PACRG: variants seen among roughly 807,000 people sequenced by gnomAD.
PACRG encodes parkin coregulated gene protein.
PACRG carries 29 observed loss-of-function variants against 29.7 expected under a neutral mutation model. The observed-to-expected ratio is 0.98, with a 90% CI of 0.73 to 1.33. The LOEUF is 1.33. Among genes scored for constraint, PACRG ranks in the 40% most tolerant of loss-of-function variants. The pLI, the probability that PACRG is intolerant of heterozygous loss-of-function variation, is 0.00. For missense variants in PACRG, 279 were observed against 316.2 expected (o/e 0.88, Z 0.89); for synonymous variants, 116 against 118.7 (o/e 0.98, Z 0.15).
chr6:163,047,861 G>A (rs376438739), intron 2 of PACRG, among the ~76,000 whole-genome samples: 96 of 152,162 alleles, frequency 6.3e-4, no homozygotes, highest in African/African-American at 2.1e-3. Flanking sequence ...TCTGTCTTCC[G>A]TTTATATTTG....
At chr6:163,031,544 G>C (rs1807663657) in intron 2 of PACRG, among the ~76,000 whole-genome samples, 1 of 152,144 alleles carries the variant, frequency 6.6e-6, no homozygotes, top group Non-Finnish European at 1.5e-5. Context: ...TTTTTTGTTT[G>C]CAGTTTCCCA....
At chr6:162,741,666 G>T (rs984030262) in intron 1 of PACRG, among the ~76,000 whole-genome samples, 4 of 152,104 alleles carry the variant, frequency 2.6e-5, no homozygotes, top group African/African-American at 9.7e-5. Flanking sequence ...TAATTTTGGG[G>T]AACACAAACA....
intron 2 of PACRG, among the ~76,000 whole-genome samples, chr6:162,950,846 T>C (rs1799593825): frequency 6.6e-6 from 1 of 152,164 alleles, no homozygotes; most frequent in African/African-American, 2.4e-5. Flanking sequence ...AAGAAAAGCC[T>C]AGACAGAGTG....
intron 2 of PACRG, among the ~76,000 whole-genome samples, chr6:163,026,771 C>T (rs984649931): frequency 1.2e-4 from 18 of 152,156 alleles, no homozygotes; most frequent in African/African-American, 4.3e-4. Context: ...TGTTGAATGA[C>T]TAAATAAGGC....
chr6:163,110,848 C>G (rs778945350), intron 4 of PACRG, among the ~76,000 whole-genome samples: 2 of 152,188 alleles, frequency 1.3e-5, no homozygotes, highest in Non-Finnish European at 2.9e-5. Context: ...GACCCAGGAT[C>G]AGTTACTGCT....
rs766626619 is a variant in PACRG, at chr6:163,074,520, C to A, written c.463+12199C>A. On this transcript the variant is annotated intron_variant, in intron 3 of 4. Coordinates refer to ENST00000366888, the MANE Select transcript of PACRG (RefSeq NM_001080379.2). ...AAAACAGGGTGACTATAGTTGAAAA[C>A]GACTTAATCATTCATTTTTAAATAA... 2.9e-4 allele frequency among the ~76,000 whole-genome samples: 44 copies of A among 151,818 alleles called. 1 individual carries two copies. The highest frequency in any genetic ancestry group is 8.3e-4 in the South Asian group (4 of 4,824).
chr6:163,026,014 A>C (rs1807096696), intron 2 of PACRG, among the ~76,000 whole-genome samples: 1 of 152,272 alleles, frequency 6.6e-6, no homozygotes, highest in Non-Finnish European at 1.5e-5. Context: ...GAACCAAAAA[A>C]AGAGCCCGAA....
chr6:163,212,742 A>T (rs1781200374), intron 4 of PACRG, among the ~76,000 whole-genome samples: 1 of 122,722 alleles, frequency 8.1e-6, no homozygotes, highest in Non-Finnish European at 1.7e-5. Flanking sequence ...CACATTAATT[A>T]TAAAGGGAAG....
At chr6:163,116,987 T>C (rs754609408) in intron 4 of PACRG, among the ~76,000 whole-genome samples, 2 of 152,178 alleles carry the variant, frequency 1.3e-5, no homozygotes, top group African/African-American at 2.4e-5. Flanking sequence ...GCCTGTCCCG[T>C]GGCCAGCATC....
intron 4 of PACRG, among the ~76,000 whole-genome samples, chr6:163,223,709 T>A (rs1048726219): frequency 6.6e-6 from 1 of 152,196 alleles, no homozygotes; most frequent in Non-Finnish European, 1.5e-5. Context: ...AGACTGCTTT[T>A]TGCTGGCTTT....
intron 3 of PACRG, among the ~76,000 whole-genome samples, chr6:163,086,733 C>T (rs1388675850): frequency 6.6e-6 from 1 of 152,100 alleles, no homozygotes; most frequent in East Asian, 1.9e-4. Flanking sequence ...GGACTTTTAA[C>T]AGAGGATTCG....
chr6:163,115,214 G>A (rs1009945387), intron 4 of PACRG, among the ~76,000 whole-genome samples: 2 of 152,080 alleles, frequency 1.3e-5, no homozygotes, highest in African/African-American at 2.4e-5. Flanking sequence ...GAATAAAGGC[G>A]ATGTAGGCTG....
intron 4 of PACRG, among the ~76,000 whole-genome samples, chr6:163,113,280 A>G (rs539711151): frequency 1.2e-4 from 19 of 152,350 alleles, no homozygotes; most frequent in South Asian, 8.3e-4. Context: ...GTGGACCAGC[A>G]TGTTCATTGT....
At chr6:163,247,967 C>T (rs1782755548) in intron 4 of PACRG, among the ~76,000 whole-genome samples, 1 of 152,226 alleles carries the variant, frequency 6.6e-6, no homozygotes, top group Non-Finnish European at 1.5e-5. Context: ...GACACAACTG[C>T]ATGTTGACGA....
At chr6:162,820,884 T>G (rs1252955313) in intron 2 of PACRG, among the ~76,000 whole-genome samples, 1 of 152,176 alleles carries the variant, frequency 6.6e-6, no homozygotes, top group Non-Finnish European at 1.5e-5. Flanking sequence ...ATTTACCTGA[T>G]TTTTGTACAA....
At chr6:163,259,946 C>T (rs571583892) in intron 4 of PACRG, among the ~76,000 whole-genome samples, 2 of 152,298 alleles carry the variant, frequency 1.3e-5, no homozygotes, top group African/African-American at 4.8e-5. Flanking sequence ...AGGCTAAGGT[C>T]CGGTCCTCTG....
chr6:163,012,674 C>T (rs1022487349), intron 2 of PACRG, among the ~76,000 whole-genome samples: 2 of 152,228 alleles, frequency 1.3e-5, no homozygotes, highest in Non-Finnish European at 2.9e-5. Flanking sequence ...AACCTATTTA[C>T]ACCCTATAAT....
intron 4 of PACRG, among the ~76,000 whole-genome samples, chr6:163,309,382 G>C (rs569467220): frequency 6.6e-6 from 1 of 152,176 alleles, no homozygotes; most frequent in African/African-American, 2.4e-5. Context: ...TGCTCTCTGC[G>C]GCTAAGGTGA....
At chr6:162,788,338 G>C (rs990897950) in intron 1 of PACRG, among the ~76,000 whole-genome samples, 2 of 152,108 alleles carry the variant, frequency 1.3e-5, no homozygotes, top group African/African-American at 4.8e-5. Flanking sequence ...TTCATGGCTT[G>C]ATAGCTCATT....
Sources: allele counts gnomAD v4.1 joint callset (sites outside exome capture counted in the v4.1 genomes callset), GRCh38; gene constraint gnomAD v4.1.1; transcripts MANE v1.5; gene names NCBI Gene and HGNC (gene_info 2026-07-23, HGNC 2026-07-21).